The following CMC2 variants were observed in gnomAD, a reference collection of about 807,000 sequenced individuals.
CMC2 encodes COX assembly mitochondrial protein 2 homolog.
In CMC2, 5 loss-of-function variants were observed where a neutral mutation model predicts 7.5. The ratio of observed to expected loss-of-function variants is 0.66; its 90% CI spans 0.35 to 1.40. The LOEUF (loss-of-function observed/expected upper bound fraction) is 1.40. Ranked by LOEUF, CMC2 falls within the 40% of genes most tolerant of loss-of-function variation. CMC2 has a pLI of 0.04. For missense variants in CMC2, 115 were observed against 92.3 expected, an observed-to-expected ratio of 1.25 and a Z score of -1.01; for synonymous variants, 37 against 31.4, an observed-to-expected ratio of 1.18 and a Z score of -0.60.
intron 3 of CMC2, among the ~76,000 whole-genome samples, 160 bp downstream of exon 3, chr16:80,981,646 C>T (rs1967121037): frequency 6.6e-6 from 1 of 152,188 alleles, no homozygotes; most frequent in Admixed American, 6.5e-5. Flanking sequence ...CCCAGAAAAG[C>T]TTTCATTTCT....
At chr16:80,981,040 A>G (rs1342531528) in intron 3 of CMC2, among the ~76,000 whole-genome samples, 1 of 151,988 alleles carries the variant, frequency 6.6e-6, no homozygotes, top group Non-Finnish European at 1.5e-5. Flanking sequence ...AAGATGTTGG[A>G]CAACTTCAAA....
intron 3 of CMC2, among the ~76,000 whole-genome samples, chr16:80,980,038 C>G (rs1193500483): frequency 6.6e-6 from 1 of 152,210 alleles, no homozygotes; most frequent in Non-Finnish European, 1.5e-5. Flanking sequence ...CCCGCCTCAG[C>G]CTCCCAAGTA....
chr16:80,978,889 A>G (rs140004549), intron 3 of CMC2, among the ~76,000 whole-genome samples: 6,013 of 152,046 alleles, frequency 0.04, 135 homozygotes, highest in African/African-American at 0.048. Flanking sequence ...AGACCATCCT[A>G]GCTAACACGG....
rs1454111127 is a variant in CMC2, at chr16:80,971,512, T to A, written c.*4581A>T. 2 of 143,352 alleles carry A rather than the reference T, an allele frequency of 1.4e-5. No individual in the cohort carries two copies. Among genetic ancestry groups the A allele is most frequent in the Non-Finnish European group, 3.0e-5 (2 of 66,734 alleles). 8.9% of individuals were successfully genotyped at this position (143,352 alleles called of 1,614,324 possible). On this transcript the variant is annotated 3_prime_UTR_variant, in exon 4 of 4. Transcript: ENST00000219400. ...ACATCATGACGCCTCCTAAGTAAAA[T>A]GACTAAACATGCAAAATAAAATATG...
rs1911968763 is a variant in CMC2, at chr16:80,972,064, G to A, written c.*4029C>T. Reference sequence around the variant, plus strand: ...CGGTGAGATCAGACTAGAGCTTAGAGGACAGAAATGGCCCCACAGGCCTCT... The same window carrying A: ...CGGTGAGATCAGACTAGAGCTTAGAAGACAGAAATGGCCCCACAGGCCTCT... On this transcript the variant is annotated 3_prime_UTR_variant, in exon 4 of 4. Coordinates refer to ENST00000219400, the MANE Select transcript of CMC2 (RefSeq NM_020188.5). 6.6e-6 allele frequency: 1 copy of A among 152,240 alleles called. No individual in the cohort carries two copies. The highest frequency in any genetic ancestry group is 1.5e-5 in the Non-Finnish European group (1 of 68,064). The allele number at this position is 152,240 out of a possible 1,614,324, so 9.4% of individuals were successfully genotyped here.
At chr16:80,995,343 C>T (rs1489752547) in intron 2 of CMC2, among the ~76,000 whole-genome samples, 1 of 149,550 alleles carries the variant, frequency 6.7e-6, no homozygotes, top group East Asian at 2.0e-4. Flanking sequence ...AAAAACATAT[C>T]ATGGTGCAAA....
Position 81,006,766 on chromosome 16 carries a change from G to C in CMC2, c.-68C>G. On this transcript the variant is annotated 5_prime_UTR_variant, in exon 1 of 4. Transcript: ENST00000219400. The stretch of plus-strand genomic sequence containing the variant: ...GTGGCCACACCGGGAGAACTGAAGC[G>C]GCAGTAGCCGGCGGAGACGCCCGAC... 2 of 985,640 alleles carry C rather than the reference G, an allele frequency of 2.0e-6. No individual in the cohort carries two copies. The highest frequency in any genetic ancestry group is 2.4e-6 in the Non-Finnish European group (2 of 830,142). 61.1% of individuals were successfully genotyped at this position (985,640 alleles called of 1,614,324 possible).
At chr16:80,978,188 C>A in intron 3 of CMC2, 1 of 775,866 alleles carries the variant, frequency 1.3e-6, no homozygotes, top group Non-Finnish European at 1.6e-6. Context: ...ATCAATAAAA[C>A]GTATTCTAGA....
At position 81,006,770 on chromosome 16, in the gene CMC2, G is replaced by C. The variant is rs1382426626; in HGVS notation, c.-72C>G. On this transcript the variant is annotated 5_prime_UTR_variant, in exon 1 of 4. Transcript: ENST00000219400. ...CCACACCGGGAGAACTGAAGCGGCA[G>C]TAGCCGGCGGAGACGCCCGACCCGA... 2.0e-6 allele frequency: 2 copies of C among 985,586 alleles called. 1 individual carries two copies. The highest frequency in any genetic ancestry group is 1.2e-4 in the Admixed American group (2 of 16,274). 61.1% of individuals were successfully genotyped at this position (985,586 alleles called of 1,614,324 possible).
rs185209899 is a variant in CMC2 at position 81,004,378 on chromosome 16, C to T, written c.-36+2356G>A. ...GAATAATATTTAATTCCAGTGCAGA[C>T]CCCAAGCCAGGCTGCTCCTGGGAGC... On this transcript the variant is annotated intron_variant, in intron 1 of 3. Coordinates refer to ENST00000219400, the MANE Select transcript of CMC2 (RefSeq NM_020188.5). Among the ~76,000 whole-genome samples the T allele has an allele frequency of 4.5e-4, 68 of 152,350 alleles. No homozygotes were observed. In the East Asian group the frequency reaches 0.011, roughly 25 times the overall value.
At chr16:80,982,692 C>G (rs1259138648) in intron 2 of CMC2, 1 of 151,976 alleles carries the variant, frequency 6.6e-6, no homozygotes, top group Admixed American at 6.6e-5. Context: ...TATCAAATCA[C>G]AACTACATAA....
intron 3 of CMC2, chr16:80,978,169 G>C: frequency 1.7e-6 from 1 of 589,922 alleles, no homozygotes; most frequent in South Asian, 6.0e-5. Flanking sequence ...TAAAATTGTT[G>C]GGGAAAAAAT....
chr16:80,986,734 G>C (rs191052569), intron 2 of CMC2, among the ~76,000 whole-genome samples: 49 of 152,356 alleles, frequency 3.2e-4, no homozygotes, highest in African/African-American at 1.1e-3. Context: ...AGATGACACT[G>C]GCTTTCAGCC....
rs187300682 is a variant in CMC2, at chr16:80,989,636, G to A, written c.81+7678C>T. ...TTAAAAAACAAAATCTGGGCGTTAC[G>A]TATGCTCATTGCTACAGGAAAACAT... On this transcript the variant is annotated intron_variant, in intron 2 of 3. Transcript: ENST00000219400. Among the ~76,000 whole-genome samples, 16 of 152,220 alleles carry A rather than the reference G, an allele frequency of 1.1e-4. No individual in the cohort carries two copies. The East Asian group carries it at 1.5e-3, about 15-fold the overall frequency.
intron 1 of CMC2, among the ~76,000 whole-genome samples, chr16:81,002,483 T>C (rs1190785728): frequency 6.6e-6 from 1 of 152,172 alleles, no homozygotes; most frequent in Non-Finnish European, 1.5e-5. Context: ...GTCTCTAACA[T>C]TTTCTAAATG....
rs1238164223 is a variant in CMC2, at chr16:80,971,214, A to G, written c.*4879T>C. Reference sequence around the variant, plus strand: ...ATTTAGCAACTTCTAGTAAGTTTGAAAATGCATACCTTACAGCCCAATAAT... The same window carrying G: ...ATTTAGCAACTTCTAGTAAGTTTGAGAATGCATACCTTACAGCCCAATAAT... On this transcript the variant is annotated 3_prime_UTR_variant, in exon 4 of 4. Coordinates refer to ENST00000219400, the MANE Select transcript of CMC2 (RefSeq NM_020188.5). 1.3e-5 allele frequency: 2 copies of G among 152,192 alleles called. No homozygotes were observed. Among genetic ancestry groups the G allele is most frequent in the African/African-American group, 2.4e-5 (1 of 41,440 alleles). 9.4% of individuals were successfully genotyped at this position (152,192 alleles called of 1,614,324 possible). A position where few individuals can be genotyped will look rare whatever the true frequency, so the allele number is the denominator to read the frequency against.
intron 1 of CMC2, chr16:81,001,360 T>C (rs1021030721): frequency 1.3e-5 from 2 of 152,196 alleles, no homozygotes; most frequent in African/African-American, 4.8e-5. Context: ...AAATTATATA[T>C]TTTTTAAAAG....
At position 80,973,341 on chromosome 16, in the gene CMC2, A is replaced by C. The variant is rs1912062293; in HGVS notation, c.*2752T>G. 6.6e-6 allele frequency: 1 copy of C among 152,114 alleles called. No individual in the cohort carries two copies. Among genetic ancestry groups the C allele is most frequent in the Non-Finnish European group, 1.5e-5 (1 of 68,024 alleles). 9.4% of individuals were successfully genotyped at this position (152,114 alleles called of 1,614,324 possible). On this transcript the variant is annotated 3_prime_UTR_variant, in exon 4 of 4. Coordinates refer to ENST00000219400, the MANE Select transcript of CMC2 (RefSeq NM_020188.5). ...CCCTAGTGATTTGGTGCCTTCTACC[A>C]AACTACGGAGGAAGTGTTTCCAATA...
rs1264966073 is a variant in CMC2 at position 80,983,942 on chromosome 16, T to C, written c.82-2065A>G. The C allele has an allele frequency of 3.9e-5, 6 of 153,866 alleles. No homozygotes were observed. In the South Asian group the frequency reaches 1.0e-3, roughly 26 times the overall value. 9.5% of individuals were successfully genotyped at this position (153,866 alleles called of 1,614,324 possible). ...GTTGCGGTGAGCTGAGATCGCACCA[T>C]TGCACTCCAGCCTGGGCAACAAGAG... On this transcript the variant is annotated intron_variant, in intron 2 of 3. Transcript: ENST00000219400.
Sources: gnomAD v4.1 joint callset for allele counts (sites outside exome capture counted in the v4.1 genomes callset) on GRCh38, gnomAD v4.1.1 for gene constraint, MANE v1.5 for transcripts, NCBI Gene and HGNC (gene_info 2026-07-23, HGNC 2026-07-21) for gene names.